Variants in IQSEC1 observed in about 807,000 individuals in gnomAD.
The protein encoded by IQSEC1 is IQ motif and Sec7 domain ArfGEF 1, also known as IQ motif and SEC7 domain-containing protein 1.
Under a neutral mutation model 91.0 loss-of-function variants are expected in IQSEC1, and 31 were observed. That is an observed-to-expected ratio of 0.34 (90% CI 0.26 to 0.46). The LOEUF (loss-of-function observed/expected upper bound fraction) is 0.46. Ranked by LOEUF, IQSEC1 falls within the 20% of genes least tolerant of loss-of-function variation. The pLI is 1.00. For synonymous variants in IQSEC1, 699 were observed against 662.6 expected (o/e 1.05, Z -0.84); for missense variants, 1,388 against 1,575.6 (o/e 0.88, Z 2.02).
intron 2 of IQSEC1, among the ~76,000 whole-genome samples, chr3:13,123,285 A>G (rs1241870977): frequency 6.6e-6 from 1 of 152,206 alleles, no homozygotes; most frequent in African/African-American, 2.4e-5. Flanking sequence ...CCCCTTCATA[A>G]TTTATTTCAA....
chr3:13,133,912 G>A (rs114642237), intron 2 of IQSEC1, among the ~76,000 whole-genome samples: 168 of 152,324 alleles, frequency 1.1e-3, no homozygotes, highest in African/African-American at 3.8e-3. Flanking sequence ...AGTGGGGTTG[G>A]TAGGCATTTG....
At chr3:13,005,200 A>G (rs1702583108) in intron 1 of IQSEC1, among the ~76,000 whole-genome samples, 1 of 152,044 alleles carries the variant, frequency 6.6e-6, no homozygotes, top group African/African-American at 2.4e-5. Context: ...ATAATTTCTG[A>G]TGATAAACAG....
intron 1 of IQSEC1, among the ~76,000 whole-genome samples, chr3:12,986,144 A>T (rs1233975869): frequency 6.6e-6 from 1 of 152,024 alleles, no homozygotes; most frequent in Non-Finnish European, 1.5e-5. Flanking sequence ...CGCAGGCTGG[A>T]CCCCTGCGCC....
At position 13,117,569 on chromosome 3, in the gene IQSEC1, CAAAAAAAAAAAA is replaced by C. The variant is rs34002295; in HGVS notation, c.302+46523_302+46534del. The stretch of plus-strand genomic sequence containing the variant: ...CTGGTGACAGAGCAAGACTCCGTCT[CAAAAAAAAAAAA>C]AAAAAAAAAAAAAAAAAAGCCACGG... On this transcript the variant is annotated intron_variant, in intron 2 of 15. Coordinates refer to the IQSEC1 transcript ENST00000648114. Among the ~76,000 whole-genome samples, 34 of 9,458 alleles carry C rather than the reference CAAAAAAAAAAAA, an allele frequency of 3.6e-3. No individual in the cohort carries two copies. The Admixed American group carries it at 0.049, about 14-fold the overall frequency. 6.2% of individuals were successfully genotyped at this position (9,458 alleles called of 152,430 possible).
chr3:12,910,629 G>A (rs1324356927), intron 10 of IQSEC1, among the ~76,000 whole-genome samples: 2 of 152,222 alleles, frequency 1.3e-5, no homozygotes, highest in East Asian at 1.9e-4. Context: ...TGTTGGGCAC[G>A]TGGGGAGCAG....
At chr3:12,919,767 C>T (rs1418195019) in intron 6 of IQSEC1, among the ~76,000 whole-genome samples, 1 of 152,250 alleles carries the variant, frequency 6.6e-6, no homozygotes, top group Non-Finnish European at 1.5e-5. Flanking sequence ...CTTCCGGGGA[C>T]CCTGGGGCAC....
At chr3:13,094,111 G>A (rs73812882) in intron 2 of IQSEC1, among the ~76,000 whole-genome samples, 271 of 152,158 alleles carry the variant, frequency 1.8e-3, no homozygotes, top group African/African-American at 6.0e-3. Context: ...GAGGGATGAA[G>A]AGAGAGAGAG....
intron 2 of IQSEC1, among the ~76,000 whole-genome samples, chr3:13,161,067 G>C (rs4684916): frequency 0.041 from 6,195 of 152,346 alleles, 277 homozygotes; most frequent in Admixed American, 0.13. Flanking sequence ...GGGATCTTCG[G>C]GGGGTGGAGT....
At chr3:13,150,863 C>T (rs917701304) in intron 2 of IQSEC1, among the ~76,000 whole-genome samples, 1 of 152,246 alleles carries the variant, frequency 6.6e-6, no homozygotes, top group African/African-American at 2.4e-5. Flanking sequence ...AAGAGCCCCA[C>T]CTGAGAGTGG....
chr3:13,071,157 T>TTG (rs1553563504), intron 1 of IQSEC1, among the ~76,000 whole-genome samples: 4 of 120,724 alleles, frequency 3.3e-5, no homozygotes, highest in Non-Finnish European at 7.2e-5. Flanking sequence ...TTTTTTGTTT[T>TTG]TTTTTTTTTG....
chr3:13,227,384 A>AAAAG (rs1694772587), intron 1 of IQSEC1, among the ~76,000 whole-genome samples: 1 of 149,076 alleles, frequency 6.7e-6, no homozygotes, highest in Admixed American at 6.6e-5. Flanking sequence ...TCAAAAAAAA[A>AAAAG]AAAAAAAAAA....
rs1244463782 is a variant in IQSEC1, at chr3:12,936,582, C to G, written c.434G>C (p.Ser145Thr). ...TGACATGCGGTTCTCTGACATGGAG[C>G]TGCGCAAGCGCTCGAAGTTCTTGTT... ...QMNKNFERLR[S>T]SMSENRMSRR... is the part of the protein sequence containing the mutation. The change falls in exon 3 of 14, where the codon AGC becomes ACC. Residue 145 changes from serine (S) to threonine (T), a missense_variant. By Grantham distance (58) the Ser-to-Thr change is moderately conservative. This residue lies in a region of IQSEC1 where 1,059 missense variants were observed against 1,317.8 expected (regional missense o/e 0.80). Coordinates refer to ENST00000613206, the MANE Select transcript of IQSEC1 (RefSeq NM_001134382.3). 9 of 1,613,304 alleles carry G rather than the reference C, an allele frequency of 5.6e-6. No homozygotes were observed. The highest frequency in any genetic ancestry group is 2.2e-5 in the East Asian group (1 of 44,886).
chr3:12,987,851 G>C, intron 1 of IQSEC1, among the ~76,000 whole-genome samples: 1 of 152,186 alleles, frequency 6.6e-6, no homozygotes, highest in East Asian at 1.9e-4. Flanking sequence ...CAACCTCATC[G>C]GGGAGATGCA....
intron 2 of IQSEC1, among the ~76,000 whole-genome samples, chr3:13,110,543 C>G (rs1248715020): frequency 6.6e-6 from 1 of 152,166 alleles, no homozygotes. Flanking sequence ...GAGCCGAGAT[C>G]GCGCCATTGC....
Position 13,021,340 on chromosome 3 carries a change from C to T in IQSEC1, c.23+51652G>A, listed in dbSNP as rs373436276. On this transcript the variant is annotated intron_variant, in intron 1 of 13. Transcript: ENST00000613206. ...CACCCTTTCATTCTCACCATGCAGG[C>T]GCCATTCCAGATACCCCCACCACCC... is the stretch of plus-strand genomic sequence containing the variant. Among the ~76,000 whole-genome samples, 22 of 152,326 alleles carry T rather than the reference C, an allele frequency of 1.4e-4. No individual in the cohort carries two copies. In the South Asian group the frequency reaches 2.7e-3, roughly 19 times the overall value.
chr3:12,900,378 A>T lies in IQSEC1; in HGVS notation c.*605T>A, dbSNP rs1694112551. 1 of 984,672 alleles carries T rather than the reference A, an allele frequency of 1.0e-6. No individual in the cohort carries two copies. The highest frequency in any genetic ancestry group is 1.8e-5 in the African/African-American group (1 of 57,056). 61.0% of individuals were successfully genotyped at this position (984,672 alleles called of 1,614,324 possible). On this transcript the variant is annotated 3_prime_UTR_variant, in exon 14 of 14. Transcript: ENST00000613206. ...TACTGTCTTCCTATTAGGTAAGTGG[A>T]GCTCCTTGTAAGGTGGGTATTGCTA...
chr3:13,273,587 G>T (rs1695624307), intron 1 of IQSEC1, among the ~76,000 whole-genome samples: 1 of 152,126 alleles, frequency 6.6e-6, no homozygotes, highest in Non-Finnish European at 1.5e-5. Context: ...TGTGCCTTCA[G>T]CCCCAGCCCA....
rs1407657502 is a variant in IQSEC1, at chr3:12,967,471, G to A, written c.24-25606C>T. The A allele has an allele frequency of 6.6e-7, 1 of 1,504,888 alleles. No homozygotes were observed. Among genetic ancestry groups the A allele is most frequent in the Non-Finnish European group, 8.8e-7 (1 of 1,132,688 alleles). The allele number at this position is 1,504,888 out of a possible 1,614,324, so 93.2% of individuals were successfully genotyped here. A position where few individuals can be genotyped will look rare whatever the true frequency, so the allele number is the denominator to read the frequency against. The stretch of plus-strand genomic sequence containing the variant: ...CCACATGGCGGCCGCAGTGGGAGCG[G>A]GCCGGGCCGGGAGCCGGGACCCAGG... On this transcript the variant is annotated intron_variant, in intron 1 of 13. Coordinates refer to ENST00000613206, the MANE Select transcript of IQSEC1 (RefSeq NM_001134382.3). This position sits in a 1 kb window ranked among gnomAD's most constrained non-coding sequence, Gnocchi z 5.9.
chr3:13,044,369 T>C (rs1319104198), intron 1 of IQSEC1, among the ~76,000 whole-genome samples: 1 of 152,174 alleles, frequency 6.6e-6, no homozygotes, highest in Non-Finnish European at 1.5e-5. Context: ...CTGCCCAAAA[T>C]GTCAGTAGTG....
Sources: allele counts gnomAD v4.1 joint callset (sites outside exome capture counted in the v4.1 genomes callset), GRCh38; gene constraint gnomAD v4.1.1; regional missense constraint gnomAD v4.1.1; non-coding constraint Gnocchi (gnomAD v3.1); transcripts MANE v1.5; gene names NCBI Gene and HGNC (gene_info 2026-07-23, HGNC 2026-07-21).